Variants in KLHDC10 observed in about 807,000 individuals in gnomAD.
KLHDC10 encodes the protein kelch domain-containing protein 10.
KLHDC10 carries 24 observed loss-of-function variants against 56.1 expected under a neutral mutation model. The observed-to-expected ratio is 0.43, with a 90% confidence interval of 0.31 to 0.60. KLHDC10 has a LOEUF of 0.60. KLHDC10 is among the 20% of genes least tolerant of loss of function. The pLI is 0.11. For missense variants in KLHDC10, 349 were observed against 567.0 expected, an observed-to-expected ratio of 0.62 and a Z score of 3.91; for synonymous variants, 188 against 207.1, an observed-to-expected ratio of 0.91 and a Z score of 0.79.
In KLHDC10 at chr7:130,070,606, C is replaced by T. The variant is rs758967938; in HGVS notation, c.-38C>T. The T allele has an allele frequency of 2.3e-5, 30 of 1,301,490 alleles. No homozygotes were observed. The highest frequency in any genetic ancestry group is 1.8e-4 in the Admixed American group (5 of 27,654). 80.6% of individuals were successfully genotyped at this position (1,301,490 alleles called of 1,614,324 possible). A position where few individuals can be genotyped will look rare whatever the true frequency, so the allele number is the denominator to read the frequency against. ...GCTCCGCTGGTTCCGCTGGGTCAGG[C>T]GCTGACGGGACCGGGCTGCGGCAAT... On this transcript the variant is annotated 5_prime_UTR_variant, in exon 1 of 10. Transcript: ENST00000335420.
intron 1 of KLHDC10, among the ~76,000 whole-genome samples, chr7:130,073,289 TTGTC>T (rs1411695584): frequency 7.1e-6 from 1 of 140,958 alleles, no homozygotes; most frequent in Non-Finnish European, 1.5e-5. Context: ...TAAATCCTAT[TTGTC>T]TTTTTTTTTT....
At position 130,104,625 on chromosome 7, in the gene KLHDC10, G is replaced by A. The variant is rs117664712; in HGVS notation, c.253+7618G>A. ...TAAAGAAGAGGTTTAATTGACTCAC[G>A]GTTCTGCAGGCTGTATAGGAAGCAT... On this transcript the variant is annotated intron_variant, in intron 2 of 9. Coordinates refer to ENST00000335420, the MANE Select transcript of KLHDC10 (RefSeq NM_014997.4). 4.9e-4 allele frequency among the ~76,000 whole-genome samples: 75 copies of A among 152,236 alleles called. No homozygotes were observed. The East Asian group carries it at 0.012, about 25-fold the overall frequency.
intron 1 of KLHDC10, among the ~76,000 whole-genome samples, chr7:130,087,427 A>G (rs981774402): frequency 1.3e-5 from 2 of 152,006 alleles, no homozygotes; most frequent in African/African-American, 4.8e-5. Flanking sequence ...GCTATATTCC[A>G]TGAATTTGTT....
Position 130,093,514 on chromosome 7 carries a change from C to T in KLHDC10, c.167-3407C>T, listed in dbSNP as rs368845650. ...GTGCTGGGAGTACAGGCATGAGCCA[C>T]CACACCCGGCCTATATTTTTGTTTT... is the stretch of plus-strand genomic sequence containing the variant. On this transcript the variant is annotated intron_variant, in intron 1 of 9. Transcript: ENST00000335420. 4.6e-5 allele frequency among the ~76,000 whole-genome samples: 7 copies of T among 152,262 alleles called. No homozygotes were observed. In the East Asian group the frequency reaches 9.7e-4, roughly 21 times the overall value.
At chr7:130,075,262 T>G (rs1223138521) in intron 1 of KLHDC10, among the ~76,000 whole-genome samples, 1 of 152,138 alleles carries the variant, frequency 6.6e-6, no homozygotes, top group South Asian at 2.1e-4. Flanking sequence ...GGGAAAACAG[T>G]TAAACATTGT....
intron 3 of KLHDC10, among the ~76,000 whole-genome samples, chr7:130,117,840 A>G (rs1796187717): frequency 8.3e-6 from 1 of 119,922 alleles, no homozygotes; most frequent in African/African-American, 3.4e-5. Flanking sequence ...ACAGAGTAAG[A>G]CCCTGTCTCA....
At chr7:130,078,679 C>T (rs779817462) in intron 1 of KLHDC10, among the ~76,000 whole-genome samples, 12 of 152,038 alleles carry the variant, frequency 7.9e-5, no homozygotes, top group Admixed American at 2.6e-4. Context: ...CCACTACACC[C>T]GGCTAATTTT....
chr7:130,123,471 G>GAA (rs11332293), intron 5 of KLHDC10, among the ~76,000 whole-genome samples: 5 of 120,292 alleles, frequency 4.2e-5, no homozygotes, highest in East Asian at 2.2e-4. Flanking sequence ...CTCCGTCTCA[G>GAA]AAAAAAAAAA....
intron 1 of KLHDC10, among the ~76,000 whole-genome samples, chr7:130,086,050 C>A (rs572772292): frequency 6.6e-6 from 1 of 151,948 alleles, no homozygotes; most frequent in South Asian, 2.1e-4. Flanking sequence ...TGAGGTGCAG[C>A]CTAATTTTTA....
rs551582940 is a variant in KLHDC10 at position 130,129,384 on chromosome 7, A to G, written c.980-53A>G. 655 of 1,606,374 alleles carry G rather than the reference A, an allele frequency of 4.1e-4. 2 individuals carry two copies. In the African/African-American group the frequency reaches 7.5e-3, roughly 18 times the overall value. The stretch of plus-strand genomic sequence containing the variant: ...TGTGTGACCTACTCTAAAACACTCC[A>G]TAGCTTTGGCTCTTTTCCTTTGTGT... On this transcript the variant is annotated intron_variant, in intron 8 of 9. Coordinates refer to ENST00000335420, the MANE Select transcript of KLHDC10 (RefSeq NM_014997.4).
At chr7:130,124,249 T>A (rs1458824595) in intron 5 of KLHDC10, among the ~76,000 whole-genome samples, 2 of 152,210 alleles carry the variant, frequency 1.3e-5, no homozygotes, top group Non-Finnish European at 2.9e-5. Context: ...CACCATCTGG[T>A]GCCTACTCTG....
At chr7:130,102,442 A>G (rs1434630733) in intron 2 of KLHDC10, among the ~76,000 whole-genome samples, 2 of 152,230 alleles carry the variant, frequency 1.3e-5, no homozygotes, top group African/African-American at 4.8e-5. Flanking sequence ...AGAGATAATG[A>G]ACAAGTGGAG....
At chr7:130,126,442 G>A (rs898428930) in intron 7 of KLHDC10, among the ~76,000 whole-genome samples, 4 of 152,136 alleles carry the variant, frequency 2.6e-5, no homozygotes, top group African/African-American at 9.7e-5. Context: ...TTGGAAGGCC[G>A]AGGTGGGTGG....
At chr7:130,125,777 CA>C (rs1388118201) in intron 6 of KLHDC10, 87 bp from the exon 7 acceptor site, 1 of 1,040,656 alleles carries the variant, frequency 9.6e-7, no homozygotes, top group African/African-American at 1.6e-5. Flanking sequence ...CTTTAAAAAA[CA>C]AAGTCTATTT....
intron 2 of KLHDC10, among the ~76,000 whole-genome samples, chr7:130,100,298 CCT>C (rs1418477797): frequency 6.6e-6 from 1 of 152,126 alleles, no homozygotes; most frequent in Non-Finnish European, 1.5e-5. Flanking sequence ...AGGCCTCTCC[CCT>C]CTTTGTTCTG....
chr7:130,070,701 G>A lies in KLHDC10; in HGVS notation c.58G>A (p.Ala20Thr). 7.7e-7 allele frequency: 1 copy of A among 1,297,350 alleles called. No individual in the cohort carries two copies. The highest frequency in any genetic ancestry group is 3.0e-4 in the Middle Eastern group (1 of 3,346). 80.4% of individuals were successfully genotyped at this position (1,297,350 alleles called of 1,614,324 possible). Reference sequence around the variant, plus strand: ...CCGGAGGGGAGGAGGCGCCGCCGGCGCTGGTGGCGGAGGTAGCGGGGCCGG... The same window carrying A: ...CCGGAGGGGAGGAGGCGCCGCCGGCACTGGTGGCGGAGGTAGCGGGGCCGG... ...NRRRGGGAAG[A>T]GGGGSGAGGG... The change falls in exon 1 of 10, where the codon GCT becomes ACT. Residue 20 changes from alanine to threonine, a missense_variant. Ala to Thr is a moderately conservative substitution (Grantham distance 58). Coordinates refer to ENST00000335420, the MANE Select transcript of KLHDC10 (RefSeq NM_014997.4).
intron 5 of KLHDC10, among the ~76,000 whole-genome samples, chr7:130,123,105 G>T (rs1470016388): frequency 6.6e-6 from 1 of 152,150 alleles, no homozygotes; most frequent in African/African-American, 2.4e-5. Context: ...ACATCGCATG[G>T]TTCTCTCTAG....
intron 1 of KLHDC10, among the ~76,000 whole-genome samples, chr7:130,088,237 G>A (rs1407240434): frequency 6.6e-6 from 1 of 151,886 alleles, no homozygotes; most frequent in Non-Finnish European, 1.5e-5. Context: ...AAAATGACCT[G>A]AGAGAAGGGA....
intron 1 of KLHDC10, 147 bp downstream of exon 1, chr7:130,070,956 G>C (rs1795400601): frequency 2.1e-6 from 1 of 478,850 alleles, no homozygotes; most frequent in Non-Finnish European, 3.4e-6. Flanking sequence ...AAAAGGGAAG[G>C]TGTCTTTGAG....
Sources: gnomAD v4.1 joint callset for allele counts (sites outside exome capture counted in the v4.1 genomes callset) on GRCh38, gnomAD v4.1.1 for gene constraint, MANE v1.5 for transcripts, NCBI Gene and HGNC (gene_info 2026-07-23, HGNC 2026-07-21) for gene names.